Variants in TBXAS1 observed in about 807,000 individuals in gnomAD.
TBXAS1 encodes the protein thromboxane A synthase 1, also known as thromboxane-A synthase.
A neutral mutation model predicts 60.7 loss-of-function variants in TBXAS1; 48 were observed. The ratio of observed to expected loss-of-function variants is 0.79; its 90% confidence interval spans 0.63 to 1.01. The LOEUF (loss-of-function observed/expected upper bound fraction) is 1.01. TBXAS1 is among the 50% of genes least tolerant of loss of function. TBXAS1 has a pLI of 0.00. For synonymous variants in TBXAS1, 287 were observed against 269.7 expected, an observed-to-expected ratio of 1.06 and a Z score of -0.63; for missense variants, 685 against 686.3, an observed-to-expected ratio of 1.00 and a Z score of 0.02.
intron 7 of TBXAS1, 119 bp downstream of exon 7, chr7:139,955,726 T>A: frequency 6.9e-7 from 1 of 1,459,556 alleles, no homozygotes; most frequent in Non-Finnish European, 9.4e-7. Context: ...ACTCGGGTTG[T>A]TCCCCTGCAG....
chr7:139,806,428 A>G (rs958346502), intron 4 of TBXAS1, among the ~76,000 whole-genome samples: 6 of 147,134 alleles, frequency 4.1e-5, no homozygotes, highest in African/African-American at 1.5e-4. Context: ...ATACCCAGCT[A>G]ATTTTTGTAT....
chr7:139,934,329 C>T (rs1162149449), intron 4 of TBXAS1, among the ~76,000 whole-genome samples: 4 of 152,010 alleles, frequency 2.6e-5, no homozygotes, highest in Non-Finnish European at 1.5e-5. Context: ...GCTGGGATTA[C>T]AGGTGCCTGC....
In TBXAS1 at chr7:139,953,660, G is replaced by A. The variant is rs1164299462; in HGVS notation, c.539+204G>A. 2.9e-5 allele frequency: 16 copies of A among 555,268 alleles called. No individual in the cohort carries two copies. The East Asian group carries it at 4.0e-4, about 14-fold the overall frequency. The allele number at this position is 555,268 out of a possible 1,614,324, so 34.4% of individuals were successfully genotyped here. On this transcript the variant is annotated intron_variant, in intron 6 of 12. Transcript: ENST00000448866. Reference sequence around the variant, plus strand: ...ATGTGAGCAGAGCCAGGGTACGTGCGTCCTGTCGAACCTGTGGATGGATCC... The same window carrying A: ...ATGTGAGCAGAGCCAGGGTACGTGCATCCTGTCGAACCTGTGGATGGATCC...
At chr7:139,962,729 C>T (rs191066529) in intron 9 of TBXAS1, 8 of 185,738 alleles carry the variant, frequency 4.3e-5, no homozygotes, top group African/African-American at 7.2e-5. Flanking sequence ...AGATGGGGCC[C>T]GTCAGCGCCC....
intron 5 of TBXAS1, among the ~76,000 whole-genome samples, chr7:139,950,274 G>T (rs1324924093): frequency 6.6e-6 from 1 of 151,990 alleles, no homozygotes; most frequent in African/African-American, 2.4e-5. Flanking sequence ...GACTTCAAGT[G>T]ATCCGCCTGC....
intron 3 of TBXAS1, among the ~76,000 whole-genome samples, chr7:139,905,023 CT>C (rs1168357612): frequency 2.2e-4 from 17 of 78,712 alleles, no homozygotes; most frequent in African/African-American, 1.1e-3. Context: ...TTCTTTCTTT[CT>C]TTCTTTCTTT....
intron 4 of TBXAS1, among the ~76,000 whole-genome samples, chr7:139,808,065 C>T (rs1277070531): frequency 6.6e-6 from 1 of 151,982 alleles, no homozygotes; most frequent in Non-Finnish European, 1.5e-5. Context: ...GGTGTGGTAG[C>T]TTATACCTGT....
intron 1 of TBXAS1, among the ~76,000 whole-genome samples, chr7:139,843,562 C>T (rs191542607): frequency 1.4e-3 from 208 of 152,192 alleles, no homozygotes; most frequent in South Asian, 5.4e-3. Context: ...AGTCTGGTCT[C>T]GAACTCCTGA....
At chr7:139,867,830 A>T (rs895922026) in intron 1 of TBXAS1, among the ~76,000 whole-genome samples, 30 of 139,702 alleles carry the variant, frequency 2.1e-4, no homozygotes, top group African/African-American at 5.7e-4. Context: ...AATAAATAAT[A>T]AATAAATAAA....
intron 4 of TBXAS1, among the ~76,000 whole-genome samples, chr7:139,918,045 C>T (rs1244435400): frequency 6.6e-6 from 1 of 152,206 alleles, no homozygotes; most frequent in Non-Finnish European, 1.5e-5. Context: ...AATCAAGTGA[C>T]TAAGTCCTGA....
At chr7:139,950,861 C>T (rs1809195934) in intron 5 of TBXAS1, among the ~76,000 whole-genome samples, 1 of 142,584 alleles carries the variant, frequency 7.0e-6, no homozygotes, top group Non-Finnish European at 1.5e-5. Context: ...CCCTCGCCCT[C>T]CATCTACGGG....
At chr7:140,008,349 C>T (rs1039345473) in intron 10 of TBXAS1, among the ~76,000 whole-genome samples, 1 of 152,132 alleles carries the variant, frequency 6.6e-6, no homozygotes, top group Non-Finnish European at 1.5e-5. Context: ...GGGCTCTGTG[C>T]CCCCTCTCCC....
chr7:139,838,167 C>T (rs1799189950), intron 1 of TBXAS1, among the ~76,000 whole-genome samples: 1 of 151,706 alleles, frequency 6.6e-6, no homozygotes, highest in Admixed American at 6.5e-5. Context: ...GGGGTCAGAG[C>T]GACGCTGTCT....
intron 9 of TBXAS1, among the ~76,000 whole-genome samples, chr7:140,006,829 G>A (rs1055514053): frequency 2.0e-5 from 3 of 152,166 alleles, no homozygotes; most frequent in African/African-American, 7.2e-5. Flanking sequence ...GGCGGCTGTG[G>A]TTGCCGCTGC....
In TBXAS1 at chr7:139,910,025, A is replaced by G. The variant is rs1000367951; in HGVS notation, c.237-1200A>G. ...CTTATTCCTGGACTAACTTTTGCTCATCTTCCAGAACTCAGCTTGGGAAGC... is the reference window on the plus strand; with the variant it reads ...CTTATTCCTGGACTAACTTTTGCTCGTCTTCCAGAACTCAGCTTGGGAAGC... On this transcript the variant is annotated intron_variant, in intron 3 of 12. Transcript: ENST00000448866. 7.3e-4 allele frequency among the ~76,000 whole-genome samples: 111 copies of G among 152,214 alleles called. 1 individual carries two copies. Among genetic ancestry groups the G allele is most frequent in the Non-Finnish European group, 4.0e-4 (27 of 68,008 alleles).
At chr7:139,973,388 G>C (rs148901746) in intron 9 of TBXAS1, among the ~76,000 whole-genome samples, 12 of 152,264 alleles carry the variant, frequency 7.9e-5, no homozygotes, top group Non-Finnish European at 1.2e-4. Context: ...CAATCGCTGG[G>C]CATCTCAGAG....
chr7:139,879,221 G>A (rs147265528), intron 3 of TBXAS1, among the ~76,000 whole-genome samples: 104 of 152,212 alleles, frequency 6.8e-4, no homozygotes, highest in African/African-American at 2.3e-3. Context: ...CACCATCATC[G>A]AGAACAAAAT....
chr7:139,905,226 C>G (rs1347105959), intron 3 of TBXAS1, among the ~76,000 whole-genome samples: 1 of 151,894 alleles, frequency 6.6e-6, no homozygotes, highest in Non-Finnish European at 1.5e-5. Flanking sequence ...AGCTTTTCCC[C>G]ATTCAGTATT....
chr7:139,876,427 G>A (rs925821160), intron 3 of TBXAS1, among the ~76,000 whole-genome samples: 108 of 152,124 alleles, frequency 7.1e-4, no homozygotes, highest in African/African-American at 2.4e-3. Context: ...TTTTCACGCA[G>A]CTTCTCTTCA....
Sources: allele counts gnomAD v4.1 joint callset (sites outside exome capture counted in the v4.1 genomes callset), GRCh38; gene constraint gnomAD v4.1.1; transcripts MANE v1.5; gene names NCBI Gene and HGNC (gene_info 2026-07-23, HGNC 2026-07-21).